The following PLCB1 variants were observed in gnomAD, a reference collection of about 807,000 sequenced individuals.
The protein encoded by PLCB1 is 1-phosphatidylinositol 4,5-bisphosphate phosphodiesterase beta-1.
Under a neutral mutation model 161.8 loss-of-function variants are expected in PLCB1, and 46 were observed. That is an observed-to-expected ratio of 0.28 (90% CI 0.22 to 0.36). The LOEUF (loss-of-function observed/expected upper bound fraction) is 0.36, where lower values mean the gene tolerates loss of function less well. Among genes scored for constraint, PLCB1 ranks in the 10% least tolerant of loss-of-function variants. The pLI is 1.00. For missense variants in PLCB1, 1,016 were observed against 1,472.5 expected (o/e 0.69, Z 5.07); for synonymous variants, 517 against 503.7 (o/e 1.03, Z -0.35).
chr20:8,644,284 C>T (rs1989068565), intron 4 of PLCB1, among the ~76,000 whole-genome samples: 2 of 151,496 alleles, frequency 1.3e-5, no homozygotes, highest in Admixed American at 1.3e-4. Context: ...AGCCCCTCTG[C>T]CTGGCTGCCC....
rs191432345 is a variant in PLCB1 at position 8,772,977 on chromosome 20, A to G, written c.2931-1562A>G. 6.6e-5 allele frequency among the ~76,000 whole-genome samples: 10 copies of G among 152,316 alleles called. No individual in the cohort carries two copies. The South Asian group carries it at 1.5e-3, about 22-fold the overall frequency. The stretch of plus-strand genomic sequence containing the variant: ...GAAAAAAGATAATTCAATGTTAACT[A>G]TGTCATGCCAAGAGGAAAGTTTCCC... On this transcript the variant is annotated intron_variant, in intron 26 of 31. Coordinates refer to ENST00000338037, the MANE Select transcript of PLCB1 (RefSeq NM_015192.4).
intron 31 of PLCB1, among the ~76,000 whole-genome samples, chr20:8,825,356 G>A (rs1042362977): frequency 6.6e-6 from 1 of 152,190 alleles, no homozygotes; most frequent in Non-Finnish European, 1.5e-5. Context: ...AGAACATCTT[G>A]GAGCAAGTGA....
intron 3 of PLCB1, among the ~76,000 whole-genome samples, chr20:8,394,116 A>T (rs1987691661): frequency 6.6e-6 from 1 of 152,240 alleles, no homozygotes; most frequent in South Asian, 2.1e-4. Flanking sequence ...CAAGAATTTC[A>T]TTTATTCCCA....
chr20:8,239,044 G>A (rs1256350454), intron 2 of PLCB1, among the ~76,000 whole-genome samples: 2 of 151,850 alleles, frequency 1.3e-5, no homozygotes, highest in African/African-American at 4.8e-5. Context: ...CTGAAATACA[G>A]GAAAAAGAGG....
intron 2 of PLCB1, among the ~76,000 whole-genome samples, chr20:8,205,934 AAAATT>A (rs1477908464): frequency 1.3e-5 from 2 of 151,708 alleles, no homozygotes; most frequent in Non-Finnish European, 1.5e-5. Flanking sequence ...AAAAATGGAA[AAAATT>A]AAATTAATAT....
chr20:8,503,551 C>T (rs148009799), intron 3 of PLCB1, among the ~76,000 whole-genome samples: 1 of 152,214 alleles, frequency 6.6e-6, no homozygotes, highest in East Asian at 1.9e-4. Flanking sequence ...CATCCTTTTT[C>T]CTTCCCTTCC....
chr20:8,790,005 A>C (rs1238880564), intron 30 of PLCB1, among the ~76,000 whole-genome samples, 170 bp from the exon 31 acceptor site: 1 of 152,126 alleles, frequency 6.6e-6, no homozygotes, highest in African/African-American at 2.4e-5. Context: ...TGTTTCTGTC[A>C]CCTAGCTTCA....
Position 8,712,450 on chromosome 20 carries a change from C to A in PLCB1, c.1250+3698C>A, listed in dbSNP as rs560447906. On this transcript the variant is annotated intron_variant, in intron 12 of 31. Coordinates refer to ENST00000338037, the MANE Select transcript of PLCB1 (RefSeq NM_015192.4). ...ATGTATCCTGTTGCTACATCAGAATCCCATGAAGTGTCTTCAAAATGCAGA... is the reference window on the plus strand; with the variant it reads ...ATGTATCCTGTTGCTACATCAGAATACCATGAAGTGTCTTCAAAATGCAGA... 7.9e-5 allele frequency among the ~76,000 whole-genome samples: 12 copies of A among 152,292 alleles called. No homozygotes were observed. In the South Asian group the frequency reaches 2.5e-3, roughly 32 times the overall value.
chr20:8,767,700 G>A (rs1401695370), intron 26 of PLCB1, among the ~76,000 whole-genome samples: 3 of 152,120 alleles, frequency 2.0e-5, no homozygotes, highest in African/African-American at 4.8e-5. Context: ...CGGACCACAG[G>A]GGGCTTCCTC....
At chr20:8,396,873 T>A (rs1325552276) in intron 3 of PLCB1, among the ~76,000 whole-genome samples, 1 of 152,108 alleles carries the variant, frequency 6.6e-6, no homozygotes, top group African/African-American at 2.4e-5. Flanking sequence ...TGAATAATAA[T>A]GCATTGATTG....
intron 3 of PLCB1, among the ~76,000 whole-genome samples, chr20:8,407,643 C>A (rs1364404912): frequency 6.6e-6 from 1 of 152,166 alleles, no homozygotes; most frequent in African/African-American, 2.4e-5. Flanking sequence ...CCTTGGGTCC[C>A]TTCCACAATA....
chr20:8,312,863 G>T (rs1186517353), intron 2 of PLCB1, among the ~76,000 whole-genome samples: 1 of 151,924 alleles, frequency 6.6e-6, no homozygotes, highest in South Asian at 2.1e-4. Context: ...TAAATCATTG[G>T]TCAGCTCTCC....
At chr20:8,678,620 G>A (rs2123381388) in intron 9 of PLCB1, among the ~76,000 whole-genome samples, 1 of 152,286 alleles carries the variant, frequency 6.6e-6, no homozygotes, top group African/African-American at 2.4e-5. Flanking sequence ...AGTGGTATCT[G>A]CACATCAAGA....
intron 2 of PLCB1, among the ~76,000 whole-genome samples, chr20:8,290,398 A>G (rs1306377157): frequency 1.3e-5 from 2 of 152,188 alleles, no homozygotes; most frequent in African/African-American, 4.8e-5. Flanking sequence ...CAAATAAGTC[A>G]TATTATGGGC....
chr20:8,375,569 A>G (rs779449058), intron 3 of PLCB1, among the ~76,000 whole-genome samples: 3 of 152,206 alleles, frequency 2.0e-5, no homozygotes, highest in Non-Finnish European at 4.4e-5. Context: ...ACTGTGGGCA[A>G]TACATATCGG....
Position 8,797,784 on chromosome 20 carries a change from T to C in PLCB1, c.3423+7523T>C, listed in dbSNP as rs889852756. On this transcript the variant is annotated intron_variant, in intron 31 of 31. Coordinates refer to ENST00000338037, the MANE Select transcript of PLCB1 (RefSeq NM_015192.4). ...AAGGGTGAACACACAATTTCCATCATGAGCAAAAGCCTATCAGGGCAAAAG... is the reference window on the plus strand; with the variant it reads ...AAGGGTGAACACACAATTTCCATCACGAGCAAAAGCCTATCAGGGCAAAAG... Among the ~76,000 whole-genome samples, 58 of 152,254 alleles carry C rather than the reference T, an allele frequency of 3.8e-4. 1 individual carries two copies. The highest frequency in any genetic ancestry group is 7.3e-5 in the Non-Finnish European group (5 of 68,054).
At chr20:8,638,190 A>T (rs1326108015) in intron 4 of PLCB1, among the ~76,000 whole-genome samples, 1 of 152,198 alleles carries the variant, frequency 6.6e-6, no homozygotes, top group Non-Finnish European at 1.5e-5. Flanking sequence ...CACCGCACCC[A>T]GCCAAAAACT....
chr20:8,287,871 C>T (rs1351904483), intron 2 of PLCB1, among the ~76,000 whole-genome samples: 1 of 152,164 alleles, frequency 6.6e-6, no homozygotes, highest in Non-Finnish European at 1.5e-5. Flanking sequence ...ACTGACATTA[C>T]ACTTAGAGAA....
chr20:8,679,781 G>C (rs1990171796), intron 9 of PLCB1, among the ~76,000 whole-genome samples: 1 of 152,114 alleles, frequency 6.6e-6, no homozygotes, highest in Admixed American at 6.5e-5. Context: ...AAATATATAA[G>C]GTAATTTATT....
Sources: gnomAD v4.1 joint callset for allele counts (sites outside exome capture counted in the v4.1 genomes callset) on GRCh38, gnomAD v4.1.1 for gene constraint, MANE v1.5 for transcripts, NCBI Gene and HGNC (gene_info 2026-07-23, HGNC 2026-07-21) for gene names.